Variants in RPS6KC1 observed in about 807,000 individuals in gnomAD.
RPS6KC1 encodes the protein ribosomal protein S6 kinase C1, also known as inactive ribosomal protein S6 kinase delta-1.
In RPS6KC1, 54 loss-of-function variants were observed where a neutral mutation model predicts 103.8. The observed-to-expected ratio is 0.52, with a 90% confidence interval of 0.42 to 0.65. RPS6KC1 has a LOEUF of 0.65. Ranked by LOEUF, RPS6KC1 falls within the 30% of genes least tolerant of loss-of-function variation. RPS6KC1 has a pLI of 0.00. For synonymous variants in RPS6KC1, 439 were observed against 438.7 expected, an observed-to-expected ratio of 1.00 and a Z score of -0.01; for missense variants, 1,151 against 1,253.8, an observed-to-expected ratio of 0.92 and a Z score of 1.24.
Position 213,093,241 on chromosome 1 carries a change from C to T in RPS6KC1, c.263-11213C>T, listed in dbSNP as rs1424738389. Among the ~76,000 whole-genome samples the T allele has an allele frequency of 5.3e-5, 8 of 149,570 alleles. No homozygotes were observed. The East Asian group carries it at 7.8e-4, about 15-fold the overall frequency. On this transcript the variant is annotated intron_variant, in intron 3 of 14. Transcript: ENST00000366960. The stretch of plus-strand genomic sequence containing the variant: ...TTTTTTTTTTAATGAGGCGGAGTCT[C>T]GCTCTGTCACCCAGGCTGGAGTGCA...
chr1:213,339,133 G>A, the RPS6KC1 span, among the ~76,000 whole-genome samples: 802 of 152,140 alleles, frequency 5.3e-3, 9 homozygotes, highest in African/African-American at 0.018. Flanking sequence ...ATGTGGTGGC[G>A]CATGCCTGTA....
the RPS6KC1 span, among the ~76,000 whole-genome samples, chr1:213,396,104 C>A: frequency 9.2e-5 from 14 of 152,268 alleles, no homozygotes; most frequent in East Asian, 2.7e-3. Context: ...AAAGACCATG[C>A]AGTGAGTTGG....
the RPS6KC1 span, chr1:213,794,598 A>G: frequency 1.1e-4 from 17 of 152,200 alleles, no homozygotes; most frequent in Admixed American, 6.5e-5. Context: ...CTCCATTTGC[A>G]TGTCTGATGA....
the RPS6KC1 span, among the ~76,000 whole-genome samples, chr1:213,721,046 A>G: frequency 5.3e-5 from 8 of 152,354 alleles, no homozygotes; most frequent in Admixed American, 1.3e-4. Context: ...TGTTTTATCC[A>G]TGGTAGTGGG....
chr1:213,841,318 G>GGA, the RPS6KC1 span: 485 of 152,258 alleles, frequency 3.2e-3, 5 homozygotes, highest in African/African-American at 0.011. Flanking sequence ...GAAGATTGGA[G>GGA]GAGATGCTTC....
chr1:213,298,477 C>T, the RPS6KC1 span, among the ~76,000 whole-genome samples: 30 of 152,124 alleles, frequency 2.0e-4, no homozygotes, highest in Admixed American at 2.0e-3. Context: ...GAACTTTCAA[C>T]CTGGAAACTC....
chr1:213,807,905 T>G, the RPS6KC1 span, among the ~76,000 whole-genome samples: 1 of 152,272 alleles, frequency 6.6e-6, no homozygotes, highest in African/African-American at 2.4e-5. Context: ...ATCTTTGTGG[T>G]TTTATCTCCT....
chr1:213,344,950 C>G, the RPS6KC1 span, among the ~76,000 whole-genome samples: 1 of 152,136 alleles, frequency 6.6e-6, no homozygotes, highest in African/African-American at 2.4e-5. Context: ...ACCTAGTAGC[C>G]ACTCCAGTAT....
the RPS6KC1 span, among the ~76,000 whole-genome samples, chr1:213,283,631 G>C: frequency 3.3e-5 from 5 of 152,122 alleles, no homozygotes; most frequent in African/African-American, 1.2e-4. Flanking sequence ...CTAAGAGCTC[G>C]AGATAGGGGG....
chr1:213,820,038 CG>C, the RPS6KC1 span: 33 of 152,170 alleles, frequency 2.2e-4, no homozygotes, highest in Admixed American at 2.2e-3. Flanking sequence ...GTGGATATGC[CG>C]GCGGCAGGGG....
chr1:213,278,204 TA>T (rs879371303), downstream of RPS6KC1, among the ~76,000 whole-genome samples: 711 of 140,964 alleles, frequency 5.0e-3, 1 homozygote, highest in Admixed American at 7.3e-3. Flanking sequence ...GACCTAGACT[TA>T]AAAAAAAAAA....
At chr1:213,397,420 AT>A in the RPS6KC1 span, among the ~76,000 whole-genome samples, 1 of 151,666 alleles carries the variant, frequency 6.6e-6, no homozygotes, top group Non-Finnish European at 1.5e-5. Context: ...CCTAGTTAAA[AT>A]TTTTTTTGCA....
rs1204841173 is a variant in RPS6KC1 at position 213,240,896 on chromosome 1, A to G, written c.1420A>G (p.Ser474Gly). 6.2e-7 allele frequency: 1 copy of G among 1,613,910 alleles called. No homozygotes were observed. The highest frequency in any genetic ancestry group is 1.3e-5 in the African/African-American group (1 of 75,014). ...GSMLKALPLK[S>G]SLTPSSQDDS... ...CATGCTTAAAGCTCTGCCTTTGAAGAGTAGTCTTACTCCAAGTTCTCAAGA... is the reference window on the plus strand; with the variant it reads ...CATGCTTAAAGCTCTGCCTTTGAAGGGTAGTCTTACTCCAAGTTCTCAAGA... The change falls in exon 11 of 15, where the codon AGT becomes GGT. Residue 474 changes from serine (S) to glycine (G), a missense_variant. Transcript: ENST00000366960.
chr1:213,741,237 A>C, the RPS6KC1 span, among the ~76,000 whole-genome samples: 2 of 151,708 alleles, frequency 1.3e-5, no homozygotes, highest in African/African-American at 4.8e-5. Context: ...TCACATACTT[A>C]TTTTTTGCAT....
the RPS6KC1 span, among the ~76,000 whole-genome samples, chr1:213,549,569 T>C: frequency 2.0e-5 from 3 of 151,358 alleles, no homozygotes; most frequent in African/African-American, 7.3e-5. Context: ...GGCAGGCATT[T>C]TTCTTTTCTT....
chr1:213,363,767 T>TCTTTCTCTC, the RPS6KC1 span, among the ~76,000 whole-genome samples: 23 of 28,858 alleles, frequency 8.0e-4, no homozygotes, highest in Admixed American at 2.2e-3. Flanking sequence ...CTCTTCTTTC[T>TCTTTCTCTC]TTCTTTCTTT....
chr1:213,430,882 G>A, the RPS6KC1 span, among the ~76,000 whole-genome samples: 1 of 152,222 alleles, frequency 6.6e-6, no homozygotes, highest in African/African-American at 2.4e-5. Flanking sequence ...ACTCATAAGG[G>A]ATAATATTTC....
the RPS6KC1 span, among the ~76,000 whole-genome samples, chr1:213,469,120 GT>G: frequency 6.6e-6 from 1 of 152,102 alleles, no homozygotes; most frequent in Non-Finnish European, 1.5e-5. Context: ...GGAGTGCAAG[GT>G]TTATGCAGGC....
the RPS6KC1 span, among the ~76,000 whole-genome samples, chr1:213,728,943 TTTTTG>T: frequency 2.0e-3 from 200 of 99,216 alleles, 10 homozygotes; most frequent in African/African-American, 0.01. Flanking sequence ...GAGGGTTTTT[TTTTTG>T]TTTTTTTTTT....
Sources: gnomAD v4.1 joint callset for allele counts (sites outside exome capture counted in the v4.1 genomes callset) on GRCh38, gnomAD v4.1.1 for gene constraint, MANE v1.5 for transcripts, NCBI Gene and HGNC (gene_info 2026-07-23, HGNC 2026-07-21) for gene names.